The following PIWIL3 variants were observed in gnomAD, a reference collection of about 807,000 sequenced individuals.
The protein encoded by PIWIL3 is piwi like RNA-mediated gene silencing 3.
PIWIL3 carries 101 observed loss-of-function variants against 109.7 expected under a neutral mutation model. The ratio of observed to expected loss-of-function variants is 0.92; its 90% CI spans 0.78 to 1.09. PIWIL3 has a LOEUF of 1.09. Ranked by LOEUF, PIWIL3 falls within the 50% of genes least tolerant of loss-of-function variation. PIWIL3 has a pLI of 0.00. For missense variants in PIWIL3, 1,031 were observed against 1,072.6 expected (o/e 0.96, Z 0.54); for synonymous variants, 373 against 376.4 (o/e 0.99, Z 0.10).
At chr22:24,748,236 T>C (rs1429354358) in intron 12 of PIWIL3, among the ~76,000 whole-genome samples, 2 of 152,082 alleles carry the variant, frequency 1.3e-5, no homozygotes, top group Non-Finnish European at 2.9e-5. Context: ...ATGAAAACAA[T>C]TGAACTCATG....
chr22:24,740,218 C>CAAAAAAACAAAAA lies in PIWIL3; in HGVS notation c.1450-4327_1450-4326insTTTTTGTTTTTTT, dbSNP rs777815350. On this transcript the variant is annotated intron_variant, in intron 12 of 20. Coordinates refer to ENST00000616349, the MANE Select transcript of PIWIL3 (RefSeq NM_001255975.1). Reference sequence around the variant, plus strand: ...CCTGGGCAACGGAGGGAGACTGTCTCAAAAAAAAAAAAAAAATTTCTAAAA... The same window carrying CAAAAAAACAAAAA: ...CCTGGGCAACGGAGGGAGACTGTCTCAAAAAAACAAAAAAAAAAAAAAAAAAAAATTTCTAAAA... 7.8e-5 allele frequency among the ~76,000 whole-genome samples: 5 copies of CAAAAAAACAAAAA among 63,898 alleles called. No homozygotes were observed. In the East Asian group the frequency reaches 3.1e-3, roughly 39 times the overall value. The allele number at this position is 63,898 out of a possible 152,430, so 41.9% of individuals were successfully genotyped here. A position where few individuals can be genotyped will look rare whatever the true frequency, so the allele number is the denominator to read the frequency against.
At chr22:24,749,196 A>G (rs1279942149) in intron 11 of PIWIL3, among the ~76,000 whole-genome samples, 175 bp from the exon 12 acceptor site, 1 of 152,162 alleles carries the variant, frequency 6.6e-6, no homozygotes, top group African/African-American at 2.4e-5. Context: ...ATGTTCATAT[A>G]GGTACTTATA....
At position 24,749,388 on chromosome 22, in the gene PIWIL3, G is replaced by C. The variant is rs368814273; in HGVS notation, c.1334+16C>G. ...ATGCACATGTACACACACTCAGCCA[G>C]AAAAGCAGCACTTACTCTTGTAGAG... is the stretch of plus-strand genomic sequence containing the variant. On this transcript the variant is annotated intron_variant, in intron 11 of 20. Transcript: ENST00000616349. 33 of 1,613,180 alleles carry C rather than the reference G, an allele frequency of 2.0e-5. No individual in the cohort carries two copies. The African/African-American group carries it at 3.5e-4, about 17-fold the overall frequency.
intron 17 of PIWIL3, 52 bp from the exon 18 acceptor site, chr22:24,725,089 CT>C (rs1191717757): frequency 1.3e-6 from 2 of 1,596,358 alleles, no homozygotes; most frequent in South Asian, 2.2e-5. Flanking sequence ...ACAAACTAGC[CT>C]TTGCTGCTTT....
At chr22:24,750,585 T>G (rs1257388246) in intron 9 of PIWIL3, among the ~76,000 whole-genome samples, 1 of 142,822 alleles carries the variant, frequency 7.0e-6, no homozygotes, top group Admixed American at 7.7e-5. Flanking sequence ...GCCACCCGGG[T>G]CCAAGCAATT....
chr22:24,753,841 T>C (rs931872612), intron 8 of PIWIL3, among the ~76,000 whole-genome samples, 173 bp downstream of exon 8: 1 of 152,230 alleles, frequency 6.6e-6, no homozygotes, highest in African/African-American at 2.4e-5. Flanking sequence ...AGTCTACAAT[T>C]GACACATTCT....
intron 19 of PIWIL3, among the ~76,000 whole-genome samples, chr22:24,722,707 A>G (rs1193725372): frequency 6.6e-6 from 1 of 152,148 alleles, no homozygotes; most frequent in Admixed American, 6.5e-5. Flanking sequence ...CAACAGAGCA[A>G]GACTCCATCA....
At chr22:24,765,929 G>T (rs1925762264) in intron 1 of PIWIL3, among the ~76,000 whole-genome samples, 1 of 151,658 alleles carries the variant, frequency 6.6e-6, no homozygotes, top group African/African-American at 2.4e-5. Flanking sequence ...TGTTAGTTTA[G>T]TGTGTGTGCA....
chr22:24,770,185 G>A (rs150685855), intron 1 of PIWIL3, among the ~76,000 whole-genome samples: 2 of 152,256 alleles, frequency 1.3e-5, no homozygotes, highest in East Asian at 1.9e-4. Flanking sequence ...GGATGAACCC[G>A]CTTACCCAAG....
intron 19 of PIWIL3, 69 bp downstream of exon 19, chr22:24,723,061 G>A (rs966892304): frequency 1.3e-6 from 2 of 1,506,412 alleles, no homozygotes; most frequent in Non-Finnish European, 1.8e-6. Context: ...TTGGAATTAA[G>A]TGATTGTGCT....
At chr22:24,752,684 T>C (rs558171871) in intron 8 of PIWIL3, among the ~76,000 whole-genome samples, 1 of 152,262 alleles carries the variant, frequency 6.6e-6, no homozygotes, top group South Asian at 2.1e-4. Flanking sequence ...ACAAACCTCA[T>C]ATATTTCCTC....
At chr22:24,729,389 A>T (rs1466892603) in intron 14 of PIWIL3, among the ~76,000 whole-genome samples, 1 of 152,070 alleles carries the variant, frequency 6.6e-6, no homozygotes, top group Non-Finnish European at 1.5e-5. Flanking sequence ...CTTCCTCATG[A>T]TGTATGTATA....
intron 8 of PIWIL3, among the ~76,000 whole-genome samples, chr22:24,753,267 T>G (rs1569107304): frequency 6.6e-6 from 1 of 152,236 alleles, no homozygotes; most frequent in Non-Finnish European, 1.5e-5. Context: ...AAGAATGTTA[T>G]GCTTTTAGTT....
intron 1 of PIWIL3, among the ~76,000 whole-genome samples, chr22:24,767,662 G>T (rs1191263418): frequency 6.6e-6 from 1 of 151,956 alleles, no homozygotes; most frequent in Non-Finnish European, 1.5e-5. Context: ...ATATCATAAG[G>T]AAAGAAAGAG....
chr22:24,736,645 GTGTC>G (rs1923673946), intron 12 of PIWIL3, among the ~76,000 whole-genome samples: 2 of 152,236 alleles, frequency 1.3e-5, no homozygotes. Context: ...TGAGCACTCA[GTGTC>G]TGGTTTTTAC....
rs895279499 is a variant in PIWIL3 at position 24,725,577 on chromosome 22, A to G, written c.2010-62T>C. 7 of 1,560,200 alleles carry G rather than the reference A, an allele frequency of 4.5e-6. No individual in the cohort carries two copies. The African/African-American group carries it at 9.5e-5, about 21-fold the overall frequency. On this transcript the variant is annotated intron_variant, in intron 16 of 20. Coordinates refer to ENST00000616349, the MANE Select transcript of PIWIL3 (RefSeq NM_001255975.1). ...TTCTTAAAATCTCATTTGAGTCTGC[A>G]TTAATCTATGGGCAAAAAATATTAC...
rs1478431662 is a variant in PIWIL3 at position 24,719,213 on chromosome 22, A to G, written c.*259T>C. ...TGCTTGGGGTGGAAAATGTTCAGTC[A>G]CGTTCAGCTGTGAGATCTCTGTCAC... On this transcript the variant is annotated 3_prime_UTR_variant, in exon 21 of 21. Transcript: ENST00000616349. 1.5e-5 allele frequency: 3 copies of G among 200,502 alleles called. No individual in the cohort carries two copies. Among genetic ancestry groups the G allele is most frequent in the African/African-American group, 7.0e-5 (3 of 43,100 alleles). 12.4% of individuals were successfully genotyped at this position (200,502 alleles called of 1,614,324 possible). A position where few individuals can be genotyped will look rare whatever the true frequency, so the allele number is the denominator to read the frequency against.
At chr22:24,736,623 C>T (rs183416977) in intron 12 of PIWIL3, among the ~76,000 whole-genome samples, 67 of 152,276 alleles carry the variant, frequency 4.4e-4, no homozygotes, top group African/African-American at 1.5e-3. Flanking sequence ...TTCATAGGAA[C>T]CAAACATCAG....
Position 24,725,525 on chromosome 22 carries a change from G to A in PIWIL3, c.2010-10C>T. The stretch of plus-strand genomic sequence containing the variant: ...ACATTGAGAGTACCACCTGTTCACA[G>A]AAAAACCACCAGTTTGGAAAACAAG... On this transcript the variant is annotated splice_polypyrimidine_tract_variant and intron_variant, in intron 16 of 20. Transcript: ENST00000616349. The A allele has an allele frequency of 1.2e-6, 2 of 1,613,664 alleles. No homozygotes were observed. The highest frequency in any genetic ancestry group is 1.7e-6 in the Non-Finnish European group (2 of 1,179,878).
Sources: allele counts gnomAD v4.1 joint callset (sites outside exome capture counted in the v4.1 genomes callset), GRCh38; gene constraint gnomAD v4.1.1; transcripts MANE v1.5; gene names NCBI Gene and HGNC (gene_info 2026-07-23, HGNC 2026-07-21).